Variants in CCSER1 observed in about 807,000 individuals in gnomAD.
CCSER1 encodes coiled-coil serine rich protein 1.
A neutral mutation model predicts 82.0 loss-of-function variants in CCSER1; 41 were observed. That is an observed-to-expected ratio of 0.50 (90% CI 0.39 to 0.65). CCSER1 has a LOEUF of 0.65. Among genes scored for constraint, CCSER1 ranks in the 30% least tolerant of loss-of-function variants. The probability of loss-of-function intolerance (pLI) is 0.00; values close to 1 mark genes in which losing one functional copy is unlikely to be tolerated. For missense variants in CCSER1, 1,119 were observed against 1,064.2 expected (o/e 1.05, Z -0.72); for synonymous variants, 414 against 383.9 (o/e 1.08, Z -0.92).
chr4:91,053,618 T>G (rs1743187640), intron 9 of CCSER1, among the ~76,000 whole-genome samples: 1 of 152,160 alleles, frequency 6.6e-6, no homozygotes, highest in African/African-American at 2.4e-5. Context: ...ATTTATCAAT[T>G]TATTTACATC....
At chr4:91,241,989 T>C (rs1188996667) in intron 10 of CCSER1, among the ~76,000 whole-genome samples, 1 of 152,144 alleles carries the variant, frequency 6.6e-6, no homozygotes, top group Non-Finnish European at 1.5e-5. Context: ...TTTATGTGCA[T>C]ATATATGTAT....
At chr4:90,917,597 G>T (rs575207989) in intron 8 of CCSER1, among the ~76,000 whole-genome samples, 1 of 152,056 alleles carries the variant, frequency 6.6e-6, no homozygotes, top group South Asian at 2.1e-4. Flanking sequence ...CACCAACGTG[G>T]CACATGTATA....
chr4:90,667,657 G>A (rs756187593), intron 6 of CCSER1, among the ~76,000 whole-genome samples: 2 of 152,074 alleles, frequency 1.3e-5, no homozygotes, highest in Non-Finnish European at 2.9e-5. Flanking sequence ...CCATGTCCCT[G>A]CAAAGAACAT....
chr4:90,937,854 T>C (rs1731144673), intron 9 of CCSER1, among the ~76,000 whole-genome samples: 1 of 152,164 alleles, frequency 6.6e-6, no homozygotes, highest in South Asian at 2.1e-4. Context: ...AGTTATCAGT[T>C]CTATTTAACC....
intron 1 of CCSER1, among the ~76,000 whole-genome samples, chr4:90,230,989 CA>C (rs763298674): frequency 9.9e-5 from 15 of 152,182 alleles, no homozygotes; most frequent in Admixed American, 2.0e-4. Flanking sequence ...AATACCTTAC[CA>C]ACCAAAAAGA....
intron 4 of CCSER1, among the ~76,000 whole-genome samples, chr4:90,420,020 T>TA (rs1400484669): frequency 6.6e-6 from 1 of 152,034 alleles, no homozygotes; most frequent in African/African-American, 2.4e-5. Flanking sequence ...AAGGCTTTCC[T>TA]AATTGTCGTA....
At chr4:91,233,349 C>T (rs1738767444) in intron 10 of CCSER1, among the ~76,000 whole-genome samples, 2 of 151,780 alleles carry the variant, frequency 1.3e-5, no homozygotes, top group Non-Finnish European at 1.5e-5. Context: ...AAGTGAAAGA[C>T]CTAATGAGAT....
intron 10 of CCSER1, among the ~76,000 whole-genome samples, chr4:91,193,512 C>T (rs1397108381): frequency 2.6e-5 from 4 of 152,126 alleles, no homozygotes; most frequent in Admixed American, 1.3e-4. Context: ...GTAATCTCCT[C>T]ATACTAAATA....
chr4:90,969,584 CT>C (rs1734890915), intron 9 of CCSER1, among the ~76,000 whole-genome samples: 1 of 151,916 alleles, frequency 6.6e-6, no homozygotes, highest in Admixed American at 6.6e-5. Flanking sequence ...GAGATAAACA[CT>C]TTCCCAGATG....
At chr4:90,406,379 A>G (rs1753727376) in intron 4 of CCSER1, among the ~76,000 whole-genome samples, 1 of 152,198 alleles carries the variant, frequency 6.6e-6, no homozygotes, top group Admixed American at 6.5e-5. Context: ...AATTAGACCT[A>G]AGAAATGAGA....
At chr4:90,719,716 C>G (rs960027683) in intron 6 of CCSER1, among the ~76,000 whole-genome samples, 1 of 152,140 alleles carries the variant, frequency 6.6e-6, no homozygotes, top group Non-Finnish European at 1.5e-5. Flanking sequence ...GGATCCCTCT[C>G]TTCACATTAT....
At chr4:91,577,158 CT>C (rs111898909) in intron 10 of CCSER1, among the ~76,000 whole-genome samples, 148 of 151,812 alleles carry the variant, frequency 9.7e-4, no homozygotes, top group African/African-American at 3.3e-3. Context: ...GCCTTTATAT[CT>C]TTTTTTTAAA....
intron 9 of CCSER1, among the ~76,000 whole-genome samples, chr4:90,929,055 C>T (rs1294691955): frequency 6.6e-6 from 1 of 152,036 alleles, no homozygotes; most frequent in Non-Finnish European, 1.5e-5. Flanking sequence ...CTGTTTGTTG[C>T]TTGCATTCAC....
chr4:91,449,309 TA>T (rs992968947), intron 10 of CCSER1, among the ~76,000 whole-genome samples: 1 of 151,718 alleles, frequency 6.6e-6, no homozygotes, highest in Non-Finnish European at 1.5e-5. Flanking sequence ...TTTCATTGAG[TA>T]AAAAAAATGA....
chr4:90,992,751 A>G lies in CCSER1; in HGVS notation c.2172+69304A>G, dbSNP rs118092942. Among the ~76,000 whole-genome samples, 380 of 151,964 alleles carry G rather than the reference A, an allele frequency of 2.5e-3. 4 individuals carry two copies. The East Asian group carries it at 0.045, about 18-fold the overall frequency. On this transcript the variant is annotated intron_variant, in intron 9 of 10. Coordinates refer to ENST00000509176, the MANE Select transcript of CCSER1 (RefSeq NM_001145065.2). ...CCTCAGCTCCCAGAGGCCCCTTGCA[A>G]TTCTTACTACATAGGGTTCCCTAGT... is the stretch of plus-strand genomic sequence containing the variant.
rs116195620 is a variant in CCSER1 at position 91,101,434 on chromosome 4, T to A, written c.2217+15440T>A. Among the ~76,000 whole-genome samples, 963 of 152,142 alleles carry A rather than the reference T, an allele frequency of 6.3e-3. 11 individuals are homozygous for A. The highest frequency in any genetic ancestry group is 0.022 in the African/African-American group (916 of 41,526). ...CTGGGGCAACCTCTTAAGAACCTGG[T>A]TTAAGACCAGGTTGAGCATGGTGAA... is the stretch of plus-strand genomic sequence containing the variant. On this transcript the variant is annotated intron_variant, in intron 10 of 10. Coordinates refer to ENST00000509176, the MANE Select transcript of CCSER1 (RefSeq NM_001145065.2).
At chr4:90,705,876 G>A (rs1739242049) in intron 6 of CCSER1, among the ~76,000 whole-genome samples, 1 of 152,200 alleles carries the variant, frequency 6.6e-6, no homozygotes, top group Admixed American at 6.5e-5. Flanking sequence ...GTCTGTCACA[G>A]CTTCCCTTTG....
intron 10 of CCSER1, among the ~76,000 whole-genome samples, chr4:91,296,661 T>G (rs1264442885): frequency 6.7e-6 from 1 of 149,922 alleles, no homozygotes; most frequent in African/African-American, 2.4e-5. Flanking sequence ...GATAAATATA[T>G]ATGTACTTCT....
intron 8 of CCSER1, among the ~76,000 whole-genome samples, chr4:90,861,303 A>G (rs1392051096): frequency 6.6e-6 from 1 of 151,770 alleles, no homozygotes; most frequent in African/African-American, 2.4e-5. Context: ...GAGAGATGTA[A>G]TGTGTATTTA....
Sources: allele counts gnomAD v4.1 joint callset (sites outside exome capture counted in the v4.1 genomes callset), GRCh38; gene constraint gnomAD v4.1.1; transcripts MANE v1.5; gene names NCBI Gene and HGNC (gene_info 2026-07-23, HGNC 2026-07-21).